PIP4K2A: variants seen among roughly 807,000 people sequenced by gnomAD.
PIP4K2A encodes the protein phosphatidylinositol-5-phosphate 4-kinase type 2 alpha.
PIP4K2A carries 14 observed loss-of-function variants against 42.9 expected under a neutral mutation model. That is an observed-to-expected ratio of 0.33 (90% CI 0.22 to 0.51). The LOEUF (loss-of-function observed/expected upper bound fraction) is 0.51. Ranked by LOEUF, PIP4K2A falls within the 20% of genes least tolerant of loss-of-function variation. PIP4K2A has a pLI of 0.97. For missense variants in PIP4K2A, 434 were observed against 519.8 expected, an observed-to-expected ratio of 0.83 and a Z score of 1.61; for synonymous variants, 192 against 192.2, an observed-to-expected ratio of 1.00 and a Z score of 0.01.
At chr10:22,575,482 C>A (rs747600787) in intron 4 of PIP4K2A, among the ~76,000 whole-genome samples, 1 of 152,156 alleles carries the variant, frequency 6.6e-6, no homozygotes, top group Non-Finnish European at 1.5e-5. Context: ...GACAAAGAAC[C>A]ATTATTCATG....
At chr10:22,702,146 TC>T (rs879381400) in intron 1 of PIP4K2A, among the ~76,000 whole-genome samples, 1 of 152,176 alleles carries the variant, frequency 6.6e-6, no homozygotes, top group African/African-American at 2.4e-5. Context: ...TGAAGAATGT[TC>T]CCTGAATGAC....
intron 4 of PIP4K2A, among the ~76,000 whole-genome samples, chr10:22,579,228 T>G (rs1837198303): frequency 6.6e-6 from 1 of 152,128 alleles, no homozygotes; most frequent in African/African-American, 2.4e-5. Flanking sequence ...CTGGGACTAT[T>G]ACCGCACGTG....
intron 4 of PIP4K2A, among the ~76,000 whole-genome samples, chr10:22,580,314 T>C (rs960398025): frequency 6.6e-5 from 10 of 151,980 alleles, no homozygotes; most frequent in African/African-American, 1.9e-4. Context: ...TTAAATATCA[T>C]AGACAAATTA....
At chr10:22,708,196 A>G (rs1833854699) in intron 1 of PIP4K2A, among the ~76,000 whole-genome samples, 1 of 152,138 alleles carries the variant, frequency 6.6e-6, no homozygotes, top group South Asian at 2.1e-4. Flanking sequence ...ACTTCCACTC[A>G]TTCACTCCTT....
At chr10:22,567,557 G>A (rs796142108) in intron 6 of PIP4K2A, 9 of 631,088 alleles carry the variant, frequency 1.4e-5, no homozygotes, top group African/African-American at 1.3e-4. Context: ...TGCCATTTTC[G>A]ATTATAGGTT....
intron 6 of PIP4K2A, among the ~76,000 whole-genome samples, chr10:22,552,877 G>A (rs1836447416): frequency 6.6e-6 from 1 of 152,030 alleles, no homozygotes. Context: ...AAGGGTAGAG[G>A]GTGTTTTTTT....
At chr10:22,582,700 GAAAGGAAGGGAAGGA>G (rs1034665921) in intron 4 of PIP4K2A, among the ~76,000 whole-genome samples, 1 of 152,018 alleles carries the variant, frequency 6.6e-6, no homozygotes, top group African/African-American at 2.4e-5. Flanking sequence ...AAAGGAAAGG[GAAAGGAAGGGAAGGA>G]AAAGGAAGGG....
chr10:22,598,677 C>A (rs556594700), intron 3 of PIP4K2A, among the ~76,000 whole-genome samples: 3 of 152,148 alleles, frequency 2.0e-5, no homozygotes, highest in African/African-American at 7.2e-5. Flanking sequence ...CAGGGCTTTG[C>A]GTCCTCCCTC....
chr10:22,631,881 G>C (rs1838556903), intron 1 of PIP4K2A, among the ~76,000 whole-genome samples: 2 of 152,186 alleles, frequency 1.3e-5, no homozygotes, highest in Admixed American at 6.5e-5. Context: ...CTTAACAGTG[G>C]AGAGAGCTGA....
At chr10:22,571,370 T>A (rs138863378) in intron 5 of PIP4K2A, among the ~76,000 whole-genome samples, 1 of 152,192 alleles carries the variant, frequency 6.6e-6, no homozygotes, top group African/African-American at 2.4e-5. Flanking sequence ...AGATTCCAAG[T>A]AAAAAACTGA....
intron 1 of PIP4K2A, among the ~76,000 whole-genome samples, chr10:22,713,055 TC>T (rs1309452667): frequency 1.3e-5 from 2 of 151,984 alleles, no homozygotes; most frequent in African/African-American, 4.8e-5. Context: ...CTTACACTTT[TC>T]CCCAGATGCT....
intron 1 of PIP4K2A, among the ~76,000 whole-genome samples, chr10:22,650,072 T>C (rs1838961102): frequency 1.3e-5 from 2 of 152,054 alleles, no homozygotes; most frequent in African/African-American, 4.8e-5. Flanking sequence ...GGCTCAAACA[T>C]TTGACCAATA....
In PIP4K2A at chr10:22,591,668, G is replaced by T; in HGVS notation, c.453C>A (p.Asp151Glu). Residue 151 changes from aspartate to glutamate, a missense_variant, in exon 4 of 10, where the codon GAC becomes GAA. Asp to Glu is a conservative substitution (Grantham distance 45). Coordinates refer to ENST00000376573, the MANE Select transcript of PIP4K2A (RefSeq NM_005028.5). ...RYIIKTITSE[D>E]VAEMHNILKK... ...TCAGGATGTTGTGCATTTCGGCCAC[G>T]TCTTCACTGGTAATAGTCTTGATGA... 2 of 1,611,620 alleles carry T rather than the reference G, an allele frequency of 1.2e-6. No individual in the cohort carries two copies. Among genetic ancestry groups the T allele is most frequent in the South Asian group, 1.1e-5 (1 of 90,632 alleles).
chr10:22,552,937 C>G (rs948047581), intron 6 of PIP4K2A, among the ~76,000 whole-genome samples: 1 of 151,976 alleles, frequency 6.6e-6, no homozygotes, highest in Admixed American at 6.6e-5. Context: ...GACAGACCCC[C>G]GACAAGGCAG....
At chr10:22,621,545 C>T (rs1465862120) in intron 1 of PIP4K2A, among the ~76,000 whole-genome samples, 12 of 152,302 alleles carry the variant, frequency 7.9e-5, no homozygotes, top group Non-Finnish European at 1.3e-4. Context: ...CTAGATGATA[C>T]CAAGCTGGCC....
In PIP4K2A at chr10:22,609,683, A is replaced by G. The variant is rs780358871; in HGVS notation, c.179T>C (p.Met60Thr). 2 of 1,609,572 alleles carry G rather than the reference A, an allele frequency of 1.2e-6. No individual in the cohort carries two copies. The highest frequency in any genetic ancestry group is 1.7e-6 in the Non-Finnish European group (2 of 1,176,546). Residue 60 changes from methionine (M) to threonine (T), a missense_variant, in exon 2 of 10, where the codon ATG becomes ACG. By Grantham distance (81) the Met-to-Thr change is moderately conservative. This residue lies in a region of PIP4K2A where 395 missense variants were observed against 444.5 expected (regional missense o/e 0.89). Coordinates refer to ENST00000376573, the MANE Select transcript of PIP4K2A (RefSeq NM_005028.5). ...GGCTTTGAAGTCATCTGGCATCAAC[A>G]TAACAGGGATTTGAACATGGCTCAG... The part of the protein sequence containing the change: ...NELSHVQIPV[M>T]LMPDDFKAYS...
At chr10:22,625,646 T>TA (rs1303437174) in intron 1 of PIP4K2A, among the ~76,000 whole-genome samples, 1 of 152,212 alleles carries the variant, frequency 6.6e-6, no homozygotes, top group African/African-American at 2.4e-5. Flanking sequence ...GTATTTGTGA[T>TA]ACGATCCTCT....
intron 5 of PIP4K2A, among the ~76,000 whole-genome samples, chr10:22,569,565 T>C (rs906991101): frequency 2.0e-5 from 3 of 152,202 alleles, no homozygotes; most frequent in Admixed American, 6.5e-5. Flanking sequence ...AATGGGACAT[T>C]TGTAATACTT....
intron 5 of PIP4K2A, among the ~76,000 whole-genome samples, chr10:22,572,610 AAAAAG>A (rs541838199): frequency 0.023 from 3,561 of 152,016 alleles, 125 homozygotes; most frequent in African/African-American, 0.081. Flanking sequence ...TTCTCAAAAA[AAAAAG>A]AAAAGAAAAG....
Sources: gnomAD v4.1 joint callset for allele counts (sites outside exome capture counted in the v4.1 genomes callset) on GRCh38, gnomAD v4.1.1 for gene constraint, gnomAD v4.1.1 regional missense constraint, MANE v1.5 for transcripts, NCBI Gene and HGNC (gene_info 2026-07-23, HGNC 2026-07-21) for gene names.